ADGRA3: variants seen among roughly 807,000 people sequenced by gnomAD.
ADGRA3 encodes the protein adhesion G protein-coupled receptor A3.
In ADGRA3, 56 loss-of-function variants were observed where a neutral mutation model predicts 119.8. The ratio of observed to expected loss-of-function variants is 0.47; its 90% confidence interval spans 0.38 to 0.58. ADGRA3 has a LOEUF of 0.58. Among genes scored for constraint, ADGRA3 ranks in the 20% least tolerant of loss-of-function variants. The pLI is 0.00. For missense variants in ADGRA3, 1,516 were observed against 1,649.0 expected, an observed-to-expected ratio of 0.92 and a Z score of 1.40; for synonymous variants, 607 against 623.8, an observed-to-expected ratio of 0.97 and a Z score of 0.40.
intron 1 of ADGRA3, among the ~76,000 whole-genome samples, chr4:22,476,248 G>C (rs538742342): frequency 6.6e-6 from 1 of 152,008 alleles, no homozygotes; most frequent in Non-Finnish European, 1.5e-5. Flanking sequence ...CAAGCAGCCC[G>C]GCAGAGCATA....
intron 3 of ADGRA3, among the ~76,000 whole-genome samples, chr4:22,455,448 C>T (rs1315286886): frequency 6.6e-6 from 1 of 151,496 alleles, no homozygotes; most frequent in Non-Finnish European, 1.5e-5. Flanking sequence ...GAAGTTTCAA[C>T]TATAATGAAA....
chr4:22,426,669 T>C (rs527558565), intron 10 of ADGRA3, among the ~76,000 whole-genome samples: 1 of 152,180 alleles, frequency 6.6e-6, no homozygotes, highest in South Asian at 2.1e-4. Context: ...TGCAGAGAAA[T>C]ATAGGATACA....
chr4:22,502,945 G>A (rs937349716), intron 1 of ADGRA3, among the ~76,000 whole-genome samples: 1 of 147,570 alleles, frequency 6.8e-6, no homozygotes, highest in Non-Finnish European at 1.5e-5. Context: ...TTTGTACAAA[G>A]ATTTACTGAG....
Position 22,433,559 on chromosome 4 carries a change from C to T in ADGRA3, c.1443+1752G>A, listed in dbSNP as rs1458427622. 3.3e-5 allele frequency among the ~76,000 whole-genome samples: 5 copies of T among 152,222 alleles called. No homozygotes were observed. In the South Asian group the frequency reaches 6.2e-4, roughly 19 times the overall value. ...CCACCTAAGAACCCGTCAACGCAGC[C>T]GACCACTCTTCCACAGGCTGGCAAA... On this transcript the variant is annotated intron_variant, in intron 10 of 18. Transcript: ENST00000334304.
chr4:22,421,730 A>G (rs1251436878), intron 11 of ADGRA3, among the ~76,000 whole-genome samples: 1 of 151,988 alleles, frequency 6.6e-6, no homozygotes, highest in Non-Finnish European at 1.5e-5. Flanking sequence ...AATACAAAAA[A>G]TTAGCCTGGC....
chr4:22,439,875 C>T (rs1407486891), intron 7 of ADGRA3, among the ~76,000 whole-genome samples: 1 of 152,124 alleles, frequency 6.6e-6, no homozygotes, highest in African/African-American at 2.4e-5. Flanking sequence ...CAAAAAAATA[C>T]CGATGGTGGT....
At chr4:22,411,584 A>T (rs1715202522) in intron 14 of ADGRA3, among the ~76,000 whole-genome samples, 1 of 152,162 alleles carries the variant, frequency 6.6e-6, no homozygotes, top group African/African-American at 2.4e-5. Flanking sequence ...GGGCAACCTG[A>T]GTGAGACTCT....
chr4:22,425,700 A>T (rs572397901), intron 10 of ADGRA3, among the ~76,000 whole-genome samples: 4 of 152,156 alleles, frequency 2.6e-5, no homozygotes, highest in Non-Finnish European at 5.9e-5. Context: ...ATCCCAGAAG[A>T]TCTCCGCTGA....
At chr4:22,398,672 C>T (rs960989195) in intron 16 of ADGRA3, among the ~76,000 whole-genome samples, 9 of 151,718 alleles carry the variant, frequency 5.9e-5, no homozygotes, top group African/African-American at 1.5e-4. Context: ...GTTAATTTAT[C>T]GGACTTACTT....
chr4:22,482,941 AAGC>A (rs1209761287), intron 1 of ADGRA3, among the ~76,000 whole-genome samples: 2 of 152,288 alleles, frequency 1.3e-5, no homozygotes, highest in African/African-American at 4.8e-5. Flanking sequence ...GTCAATTTTC[AAGC>A]AGAGTCATGC....
Position 22,505,646 on chromosome 4 carries a change from C to CAA in ADGRA3, c.257+9880_257+9881dup, listed in dbSNP as rs199814126. Among the ~76,000 whole-genome samples the CAA allele has an allele frequency of 1.4e-3, 167 of 122,906 alleles. 1 individual carries two copies. The highest frequency in any genetic ancestry group is 4.4e-3 in the Middle Eastern group (1 of 228). The allele number at this position is 122,906 out of a possible 152,430, so 80.6% of individuals were successfully genotyped here. ...TGGGCGACAGAGCGAGACTCTGTCT[C>CAA]AAAAAAAAAAAAAAAAGAATTTCTA... On this transcript the variant is annotated intron_variant, in intron 1 of 18. Transcript: ENST00000334304.
intron 1 of ADGRA3, among the ~76,000 whole-genome samples, chr4:22,509,165 G>A (rs1296114681): frequency 6.6e-6 from 1 of 152,160 alleles, no homozygotes; most frequent in Non-Finnish European, 1.5e-5. Context: ...GGCTGGACAG[G>A]AGAACTGCAT....
chr4:22,424,240 T>C lies in ADGRA3; in HGVS notation c.1556A>G (p.Gln519Arg), dbSNP rs759006494. The change falls in exon 11 of 19, where the codon CAG (glutamine) becomes CGG (arginine). Residue 519 changes from glutamine to arginine, a missense_variant. Gln to Arg is a conservative substitution (Grantham distance 43, BLOSUM62 1). Transcript: ENST00000334304. ...KACSRIVQCL[Q>R]RIATYRLAGG... ...GGCTAGCCGGTAGGTAGCAATGCGC[T>C]GAAGACACTGCACAATCCTACTGCA... 7 of 1,613,478 alleles carry C rather than the reference T, an allele frequency of 4.3e-6. No individual in the cohort carries two copies. In the South Asian group the frequency reaches 7.7e-5, roughly 18 times the overall value.
At chr4:22,474,625 G>C (rs956043638) in intron 1 of ADGRA3, among the ~76,000 whole-genome samples, 3 of 138,870 alleles carry the variant, frequency 2.2e-5, no homozygotes, top group Non-Finnish European at 4.8e-5. Flanking sequence ...CTGAATTGGG[G>C]AGTGGGAATA....
At chr4:22,394,910 C>G (rs1426670998) in intron 16 of ADGRA3, 1 of 152,064 alleles carries the variant, frequency 6.6e-6, no homozygotes, top group Non-Finnish European at 1.5e-5. Context: ...AAATATTCTA[C>G]AAATTTCAGA....
chr4:22,399,216 T>C (rs973981015), intron 16 of ADGRA3, among the ~76,000 whole-genome samples: 3 of 152,252 alleles, frequency 2.0e-5, no homozygotes, highest in South Asian at 4.1e-4. Flanking sequence ...CTTGTTGTGA[T>C]GTTCTCACTG....
chr4:22,427,848 G>A (rs1047970594), intron 10 of ADGRA3, among the ~76,000 whole-genome samples: 26 of 152,196 alleles, frequency 1.7e-4, no homozygotes, highest in Non-Finnish European at 2.9e-5. Flanking sequence ...AGCCACAAAA[G>A]GGTCAGAAGG....
At chr4:22,419,983 CA>C (rs1715585916) in intron 12 of ADGRA3, 1 of 152,472 alleles carries the variant, frequency 6.6e-6, no homozygotes, top group Non-Finnish European at 1.5e-5. Flanking sequence ...TAAATTTAGC[CA>C]ATTGGCTCTC....
At chr4:22,513,864 A>C (rs1177760967) in intron 1 of ADGRA3, among the ~76,000 whole-genome samples, 2 of 151,172 alleles carry the variant, frequency 1.3e-5, no homozygotes, top group Non-Finnish European at 2.9e-5. Context: ...AAAAAAAAAA[A>C]AAAAAAAAAA....
Sources: allele counts gnomAD v4.1 joint callset (sites outside exome capture counted in the v4.1 genomes callset), GRCh38; gene constraint gnomAD v4.1.1; transcripts MANE v1.5; gene names NCBI Gene and HGNC (gene_info 2026-07-23, HGNC 2026-07-21).